The following CRYBA4 variants were observed in gnomAD, a reference collection of about 807,000 sequenced individuals.
CRYBA4 encodes beta-crystallin A4.
Under a neutral mutation model 31.7 loss-of-function variants are expected in CRYBA4, and 30 were observed. The observed-to-expected ratio is 0.95, with a 90% CI of 0.71 to 1.28. The LOEUF is 1.28. Among genes scored for constraint, CRYBA4 ranks in the 50% most tolerant of loss-of-function variants. CRYBA4 has a pLI of 0.00. For synonymous variants in CRYBA4, 102 were observed against 102.3 expected, an observed-to-expected ratio of 1.00 and a Z score of 0.02; for missense variants, 225 against 260.7, an observed-to-expected ratio of 0.86 and a Z score of 0.94.
Position 26,622,648 on chromosome 22 carries a change from A to G in CRYBA4, c.39+13A>G. The G allele has an allele frequency of 1.4e-6, 1 of 711,856 alleles. No individual in the cohort carries two copies. Among genetic ancestry groups the G allele is most frequent in the Non-Finnish European group, 2.3e-6 (1 of 425,640 alleles). The allele number at this position is 711,856 out of a possible 1,614,324, so 44.1% of individuals were successfully genotyped here. ...GGGACCCTGGAAGGTAGGAAGAGGCATGGGGAGGGGGTGTTCAGGGGGTAT... is the reference window on the plus strand; with the variant it reads ...GGGACCCTGGAAGGTAGGAAGAGGCGTGGGGAGGGGGTGTTCAGGGGGTAT... On this transcript the variant is annotated intron_variant, in intron 2 of 5. Transcript: ENST00000354760.
At chr22:26,612,168 T>A in the CRYBA4 span, 1 of 1,610,176 alleles carries the variant, frequency 6.2e-7, no homozygotes. Flanking sequence ...GCCCTGGAAG[T>A]TTTCCAGTTC....
At chr22:26,623,454 C>T (rs988527604) in intron 3 of CRYBA4, 102 bp downstream of exon 3, 1 of 906,192 alleles carries the variant, frequency 1.1e-6, no homozygotes, top group African/African-American at 1.6e-5. Context: ...TCTCCCTAGG[C>T]TCTTACTGTT....
chr22:26,628,180 AAGGAAGGCTGATTTGGGAGACAAGGGC>A, intron 4 of CRYBA4, 81 bp from the exon 5 acceptor site: 11 of 1,531,952 alleles, frequency 7.2e-6, no homozygotes, highest in Non-Finnish European at 9.9e-6. Context: ...AAAGGTTTGC[AAGGAAGGCTGATTTGGGAGACAAGGGC>A]AGGGAGTGTG....
At chr22:26,597,202 C>CAAGT in the CRYBA4 span, among the ~76,000 whole-genome samples, 71 of 152,136 alleles carry the variant, frequency 4.7e-4, no homozygotes, top group African/African-American at 1.7e-3. Flanking sequence ...TCCTGACGTA[C>CAAGT]AAGTGTATCC....
intron 1 of CRYBA4, 109 bp from the exon 2 acceptor site, chr22:26,622,476 C>T: frequency 2.2e-6 from 2 of 904,238 alleles, no homozygotes; most frequent in South Asian, 2.6e-5. Context: ...CTAGCCCAGT[C>T]ACTCCTGGAC....
intron 4 of CRYBA4, among the ~76,000 whole-genome samples, chr22:26,626,007 A>G (rs949627207): frequency 1.3e-5 from 2 of 152,138 alleles, no homozygotes; most frequent in Non-Finnish European, 2.9e-5. Flanking sequence ...CTAATTCAGC[A>G]TCAGTGCTCC....
chr22:26,612,072 G>A, the CRYBA4 span: 11 of 1,607,672 alleles, frequency 6.8e-6, no homozygotes, highest in East Asian at 4.5e-5. Flanking sequence ...CAGTACTCAC[G>A]GTCCCGCGGA....
intron 4 of CRYBA4, among the ~76,000 whole-genome samples, chr22:26,627,458 T>TTC (rs1331305806): frequency 2.1e-5 from 2 of 97,462 alleles, no homozygotes; most frequent in Non-Finnish European, 3.9e-5. Context: ...TTCTTTCTTT[T>TTC]TCTTTCTTTC....
upstream of CRYBA4, chr22:26,618,203 C>G (rs1929422008): frequency 1.3e-5 from 2 of 153,256 alleles, no homozygotes; most frequent in Non-Finnish European, 2.9e-5. Context: ...CCAGCACACA[C>G]AGCAGAAACC....
chr22:26,606,868 C>G, the CRYBA4 span, among the ~76,000 whole-genome samples: 2 of 152,122 alleles, frequency 1.3e-5, no homozygotes, highest in African/African-American at 4.8e-5. Flanking sequence ...CAACTTAATT[C>G]TGGAAAAAAC....
chr22:26,607,317 C>T, the CRYBA4 span, among the ~76,000 whole-genome samples: 5 of 152,100 alleles, frequency 3.3e-5, no homozygotes, highest in Admixed American at 6.6e-5. Flanking sequence ...CCACCATGCC[C>T]GGCTACAATA....
At chr22:26,602,829 A>G in the CRYBA4 span, among the ~76,000 whole-genome samples, 3 of 152,114 alleles carry the variant, frequency 2.0e-5, no homozygotes, top group Admixed American at 2.0e-4. Flanking sequence ...TCTAGGTTCA[A>G]ATCCTGCCTC....
At chr22:26,609,395 T>C in the CRYBA4 span, among the ~76,000 whole-genome samples, 1 of 152,060 alleles carries the variant, frequency 6.6e-6, no homozygotes, top group Non-Finnish European at 1.5e-5. Flanking sequence ...GATGGACAGA[T>C]GAATGGGTGG....
chr22:26,618,266 C>G (rs544591657), upstream of CRYBA4, among the ~76,000 whole-genome samples: 14 of 152,318 alleles, frequency 9.2e-5, no homozygotes, highest in Admixed American at 2.0e-4. Flanking sequence ...TTCTCAACAA[C>G]CCCAGCCAGG....
At chr22:26,604,548 G>A in the CRYBA4 span, among the ~76,000 whole-genome samples, 8 of 152,320 alleles carry the variant, frequency 5.3e-5, no homozygotes, top group Middle Eastern at 3.4e-3. Context: ...CTTCATGGAA[G>A]AAGTGACACT....
chr22:26,614,443 G>A, the CRYBA4 span, among the ~76,000 whole-genome samples: 1 of 152,098 alleles, frequency 6.6e-6, no homozygotes, highest in Non-Finnish European at 1.5e-5. Flanking sequence ...TGTGAATATC[G>A]GGGCAGGTTC....
intron 2 of CRYBA4, 22 bp downstream of exon 2, chr22:26,622,657 G>C (rs372303240): frequency 5.1e-6 from 8 of 1,574,078 alleles, no homozygotes; most frequent in Non-Finnish European, 7.0e-6. Context: ...CATGGGGAGG[G>C]GGTGTTCAGG....
chr22:26,602,138 G>A, the CRYBA4 span: 145 of 1,306,224 alleles, frequency 1.1e-4, 1 homozygote, highest in South Asian at 1.7e-3. Context: ...GCTGCTGGGG[G>A]ACTCTCCAGG....
At chr22:26,605,730 A>G in the CRYBA4 span, among the ~76,000 whole-genome samples, 1 of 149,394 alleles carries the variant, frequency 6.7e-6, no homozygotes, top group Non-Finnish European at 1.5e-5. Context: ...GTCTGGGTTC[A>G]AGTAGAAGAT....
Sources: gnomAD v4.1 joint callset for allele counts (sites outside exome capture counted in the v4.1 genomes callset) on GRCh38, gnomAD v4.1.1 for gene constraint, MANE v1.5 for transcripts, NCBI Gene and HGNC (gene_info 2026-07-23, HGNC 2026-07-21) for gene names.